Variants in SOX5 observed in about 807,000 individuals in gnomAD.
The protein encoded by SOX5 is transcription factor SOX-5.
A neutral mutation model predicts 92.0 loss-of-function variants in SOX5; 9 were observed. The ratio of observed to expected loss-of-function variants is 0.10; its 90% CI spans 0.06 to 0.17. The LOEUF (loss-of-function observed/expected upper bound fraction) is 0.17. Ranked by LOEUF, SOX5 falls within the 10% of genes least tolerant of loss-of-function variation. The pLI, the probability that SOX5 is intolerant of heterozygous loss-of-function variation, is 1.00. For synonymous variants in SOX5, 344 were observed against 336.3 expected (o/e 1.02, Z -0.25); for missense variants, 642 against 944.5 (o/e 0.68, Z 4.20).
At chr12:23,844,156 G>C (rs1187770723) in intron 3 of SOX5, among the ~76,000 whole-genome samples, 2 of 152,200 alleles carry the variant, frequency 1.3e-5, no homozygotes, top group Admixed American at 1.3e-4. Context: ...AACGTACTGT[G>C]GAGTATCATT....
At chr12:24,259,777 AAG>A (rs1321253459) in intron 3 of SOX5, among the ~76,000 whole-genome samples, 1 of 152,234 alleles carries the variant, frequency 6.6e-6, no homozygotes, top group African/African-American at 2.4e-5. Context: ...AACAAAATAA[AAG>A]AATTTCTATA....
intron 4 of SOX5, among the ~76,000 whole-genome samples, chr12:24,194,876 C>T (rs982610381): frequency 4.6e-5 from 7 of 152,094 alleles, no homozygotes; most frequent in African/African-American, 1.7e-4. Context: ...TATGCTCAAC[C>T]CAGAAATTGG....
At chr12:23,946,064 A>C (rs1944540670) in intron 1 of SOX5, among the ~76,000 whole-genome samples, 1 of 152,144 alleles carries the variant, frequency 6.6e-6, no homozygotes, top group Non-Finnish European at 1.5e-5. Flanking sequence ...TAATAAGAAA[A>C]AAATTATTTA....
rs1291593550 is a variant in SOX5, at chr12:24,530,180, G to A, written c.-251+32149C>T. On this transcript the variant is annotated intron_variant, in intron 1 of 4. Transcript: ENST00000446891. Reference sequence around the variant, plus strand: ...TCAACACAAGGTATGAACAACTAACGTCTATTTGAATGTTACAGTTTACAA... The same window carrying A: ...TCAACACAAGGTATGAACAACTAACATCTATTTGAATGTTACAGTTTACAA... Among the ~76,000 whole-genome samples the A allele has an allele frequency of 4.6e-5, 7 of 152,106 alleles. No individual in the cohort carries two copies. The East Asian group carries it at 1.2e-3, about 25-fold the overall frequency.
At chr12:24,293,893 C>A (rs1419372815) in intron 2 of SOX5, among the ~76,000 whole-genome samples, 1 of 152,098 alleles carries the variant, frequency 6.6e-6, no homozygotes, top group African/African-American at 2.4e-5. Context: ...TAGTTTATAT[C>A]TTTTGATTGT....
chr12:23,941,795 A>G (rs544538611), intron 1 of SOX5, among the ~76,000 whole-genome samples: 1 of 151,786 alleles, frequency 6.6e-6, no homozygotes, highest in South Asian at 2.1e-4. Flanking sequence ...AAATAATATG[A>G]ATACTATACC....
At position 23,836,238 on chromosome 12, in the gene SOX5, A is replaced by C. The variant is rs189219481; in HGVS notation, c.481+9745T>G. Among the ~76,000 whole-genome samples the C allele has an allele frequency of 1.6e-3, 244 of 152,030 alleles. 2 individuals carry two copies. Among genetic ancestry groups the C allele is most frequent in the Non-Finnish European group, 2.7e-4 (18 of 67,866 alleles). On this transcript the variant is annotated intron_variant, in intron 3 of 14. Coordinates refer to ENST00000451604, the MANE Select transcript of SOX5 (RefSeq NM_006940.6). Reference sequence around the variant, plus strand: ...GCTGAAGACCAACCGATAGACCATAATTATCACAAAATATAATGTAACTAT... The same window carrying C: ...GCTGAAGACCAACCGATAGACCATACTTATCACAAAATATAATGTAACTAT...
At chr12:23,710,364 A>T (rs2091920353) in intron 6 of SOX5, among the ~76,000 whole-genome samples, 1 of 152,084 alleles carries the variant, frequency 6.6e-6, no homozygotes, top group South Asian at 2.1e-4. Context: ...TACATTAGGT[A>T]TATCTCCTAA....
rs776124271 is a variant in SOX5, at chr12:23,755,623, A to G, written c.568+15T>C. 4 of 1,555,078 alleles carry G rather than the reference A, an allele frequency of 2.6e-6. No individual in the cohort carries two copies. The East Asian group carries it at 7.0e-5, about 27-fold the overall frequency. On this transcript the variant is annotated intron_variant, in intron 4 of 14. Coordinates refer to ENST00000451604, the MANE Select transcript of SOX5 (RefSeq NM_006940.6). ...TTTTGGTACATTTTGGATAAAAACA[A>G]TCACACCATATTACCTTTTATTTCG... is the stretch of plus-strand genomic sequence containing the variant.
intron 13 of SOX5, among the ~76,000 whole-genome samples, chr12:23,538,121 T>C (rs1185909001): frequency 6.6e-6 from 1 of 152,188 alleles, no homozygotes; most frequent in Non-Finnish European, 1.5e-5. Flanking sequence ...TCTTAGAATC[T>C]TTCGAATGAG....
intron 2 of SOX5, among the ~76,000 whole-genome samples, chr12:24,354,246 A>C (rs1219596833): frequency 1.3e-5 from 2 of 152,246 alleles, no homozygotes; most frequent in Non-Finnish European, 2.9e-5. Flanking sequence ...ACTAGAGGTG[A>C]AGAATCTCCT....
intron 1 of SOX5, among the ~76,000 whole-genome samples, chr12:24,490,305 T>A (rs907474167): frequency 6.6e-6 from 1 of 152,206 alleles, no homozygotes; most frequent in Admixed American, 6.5e-5. Context: ...AAGAATTGTG[T>A]CTTGGAATTT....
chr12:24,365,532 A>G (rs886884218), intron 2 of SOX5, among the ~76,000 whole-genome samples: 3 of 151,836 alleles, frequency 2.0e-5, no homozygotes, highest in Admixed American at 6.6e-5. Flanking sequence ...AAATTACTCA[A>G]TTAAAAATAA....
chr12:24,316,565 G>A (rs567485323), intron 2 of SOX5, among the ~76,000 whole-genome samples: 1 of 152,246 alleles, frequency 6.6e-6, no homozygotes, highest in East Asian at 1.9e-4. Flanking sequence ...TGTGAAGGAA[G>A]GAAGGAAGGA....
chr12:23,958,489 C>A (rs963859065), intron 4 of SOX5, among the ~76,000 whole-genome samples: 3 of 152,038 alleles, frequency 2.0e-5, no homozygotes, highest in Non-Finnish European at 4.4e-5. Flanking sequence ...AATTTTCACA[C>A]AGATTAATTT....
chr12:23,632,326 T>G (rs2078651205), intron 8 of SOX5: 1 of 152,162 alleles, frequency 6.6e-6, no homozygotes, highest in Non-Finnish European at 1.5e-5. Flanking sequence ...GAAGAGCAGT[T>G]GATCATTATT....
At chr12:24,529,433 T>C (rs77666483) in intron 1 of SOX5, among the ~76,000 whole-genome samples, 6,839 of 152,254 alleles carry the variant, frequency 0.045, 240 homozygotes, top group Middle Eastern at 0.1. Context: ...AATAATGAGA[T>C]ATAAATACTC....
chr12:24,340,138 A>G (rs1595741278), intron 2 of SOX5, among the ~76,000 whole-genome samples: 1 of 152,370 alleles, frequency 6.6e-6, no homozygotes, highest in East Asian at 1.9e-4. Flanking sequence ...ACTCGCTGGC[A>G]CATAGTCTCC....
chr12:23,826,748 G>A (rs1325959660), intron 3 of SOX5, among the ~76,000 whole-genome samples: 1 of 152,222 alleles, frequency 6.6e-6, no homozygotes, highest in East Asian at 1.9e-4. Context: ...GGGAGAGGGT[G>A]CATTTTGTTC....
Sources: allele counts gnomAD v4.1 joint callset (sites outside exome capture counted in the v4.1 genomes callset), GRCh38; gene constraint gnomAD v4.1.1; transcripts MANE v1.5; gene names NCBI Gene and HGNC (gene_info 2026-07-23, HGNC 2026-07-21).